The following USPL1 variants were observed in gnomAD, a reference collection of about 807,000 sequenced individuals.
The protein encoded by USPL1 is SUMO-specific isopeptidase USPL1.
A neutral mutation model predicts 51.5 loss-of-function variants in USPL1; 27 were observed. The ratio of observed to expected loss-of-function variants is 0.52; its 90% CI spans 0.39 to 0.72. The LOEUF is 0.72. Ranked by LOEUF, USPL1 falls within the 30% of genes least tolerant of loss-of-function variation. USPL1 has a pLI of 0.00. For missense variants in USPL1, 1,226 were observed against 1,268.0 expected, an observed-to-expected ratio of 0.97 and a Z score of 0.50; for synonymous variants, 451 against 459.6, an observed-to-expected ratio of 0.98 and a Z score of 0.24.
At chr13:30,655,330 T>C (rs1951147667) in intron 8 of USPL1, among the ~76,000 whole-genome samples, 1 of 152,232 alleles carries the variant, frequency 6.6e-6, no homozygotes, top group East Asian at 1.9e-4. Flanking sequence ...TAGACATTTG[T>C]TGTTCTCAGA....
intron 1 of USPL1, among the ~76,000 whole-genome samples, chr13:30,620,770 C>T (rs1950636539): frequency 6.6e-6 from 1 of 152,092 alleles, no homozygotes; most frequent in Non-Finnish European, 1.5e-5. Flanking sequence ...CTTTCAAATT[C>T]TGGTCAATAT....
chr13:30,655,833 G>A (rs1346357834), intron 8 of USPL1, among the ~76,000 whole-genome samples: 3 of 152,214 alleles, frequency 2.0e-5, no homozygotes, highest in African/African-American at 7.2e-5. Flanking sequence ...TTTGTAGTAA[G>A]TGCGATGGTG....
At chr13:30,646,794 A>C (rs1296409415) in intron 6 of USPL1, 138 bp from the exon 7 acceptor site, 3 of 887,568 alleles carry the variant, frequency 3.4e-6, no homozygotes, top group African/African-American at 3.4e-5. Context: ...GGTAGGGAGG[A>C]ACATTGCCAT....
intron 3 of USPL1, among the ~76,000 whole-genome samples, chr13:30,629,450 A>G (rs961694361): frequency 1.3e-5 from 2 of 152,100 alleles, no homozygotes; most frequent in African/African-American, 2.4e-5. Context: ...TCGTGCCACT[A>G]TACTCCAGCC....
At chr13:30,632,767 A>G (rs1950824799) in intron 4 of USPL1, among the ~76,000 whole-genome samples, 1 of 152,132 alleles carries the variant, frequency 6.6e-6, no homozygotes, top group Admixed American at 6.5e-5. Context: ...GTGTCAGGAT[A>G]ATAGTGGTTA....
intron 3 of USPL1, among the ~76,000 whole-genome samples, chr13:30,627,920 C>G (rs1208292299): frequency 6.6e-6 from 1 of 151,934 alleles, no homozygotes; most frequent in Non-Finnish European, 1.5e-5. Flanking sequence ...CTCTGTCGCC[C>G]AGGCTGGAGT....
chr13:30,658,781 A>G lies in USPL1; in HGVS notation c.2704A>G (p.Lys902Glu). The change falls in exon 9 of 9, where the codon AAA (lysine) becomes GAA (glutamate). Residue 902 changes from lysine (K) to glutamate (E), a missense_variant. Lys to Glu is a moderately conservative substitution (Grantham distance 56, BLOSUM62 1). Transcript: ENST00000255304. The part of the protein sequence containing the change: ...LRKKLKAEKK[K>E]LAALMSSPQS... ...TAAAAAGCTAAAGGCAGAAAAGAAG[A>G]AATTAGCTGCTCTTATGTCTTCCCC... 6.2e-7 allele frequency: 1 copy of G among 1,614,152 alleles called. No individual in the cohort carries two copies. Among genetic ancestry groups the G allele is most frequent in the South Asian group, 1.1e-5 (1 of 91,088 alleles).
chr13:30,656,591 C>T (rs979317946), intron 8 of USPL1, among the ~76,000 whole-genome samples: 2 of 152,178 alleles, frequency 1.3e-5, no homozygotes, highest in African/African-American at 2.4e-5. Flanking sequence ...TTATCTGTTA[C>T]GGACATTTGA....
At chr13:30,646,900 GTTAATGA>G (rs1255386980) in intron 6 of USPL1, 25 bp from the exon 7 acceptor site, 1 of 1,590,050 alleles carries the variant, frequency 6.3e-7, no homozygotes, top group East Asian at 2.3e-5. Flanking sequence ...TGCATTTAAC[GTTAATGA>G]ATTTGTTATG....
intron 3 of USPL1, among the ~76,000 whole-genome samples, chr13:30,628,308 A>G (rs60267144): frequency 0.028 from 4,222 of 152,224 alleles, 130 homozygotes; most frequent in Middle Eastern, 0.099. Context: ...CTCAAGATTC[A>G]TCCATGTTGT....
rs151112860 is a variant in USPL1 at position 30,641,792 on chromosome 13, C to T, written c.983-836C>T. Among the ~76,000 whole-genome samples, 647 of 152,244 alleles carry T rather than the reference C, an allele frequency of 4.2e-3. 10 individuals are homozygous for T. Among genetic ancestry groups the T allele is most frequent in the East Asian group, 0.029 (152 of 5,180 alleles). ...TGGTCATTTAACCATTGTGTGGCCA[C>T]GCCCTCTCCACAGGTGGAACAAGAT... On this transcript the variant is annotated intron_variant, in intron 5 of 8. Coordinates refer to ENST00000255304, the MANE Select transcript of USPL1 (RefSeq NM_005800.5).
chr13:30,628,634 C>T (rs1028955620), intron 3 of USPL1, among the ~76,000 whole-genome samples: 27 of 152,092 alleles, frequency 1.8e-4, no homozygotes, highest in African/African-American at 5.8e-4. Context: ...TGAGAACATG[C>T]GGTGTTTGGT....
chr13:30,658,010 A>C lies in USPL1; in HGVS notation c.1933A>C (p.Ile645Leu), dbSNP rs777712205. The C allele has an allele frequency of 2.5e-6, 4 of 1,613,460 alleles. No individual in the cohort carries two copies. Among genetic ancestry groups the C allele is most frequent in the Non-Finnish European group, 3.4e-6 (4 of 1,179,994 alleles). Residue 645 changes from isoleucine to leucine, a missense_variant, in exon 9 of 9, where the codon ATT becomes CTT. Ile to Leu is a conservative substitution (Grantham distance 5). Coordinates refer to ENST00000255304, the MANE Select transcript of USPL1 (RefSeq NM_005800.5). ...ATCAGCTCCATGTAATGAAAAGCTT[A>C]TTCAAGACCAATTTGTGGACATAAG... ...SVSAPCNEKL[I>L]QDQFVDISFP...
At chr13:30,629,199 A>G (rs1165445073) in intron 3 of USPL1, among the ~76,000 whole-genome samples, 1 of 152,174 alleles carries the variant, frequency 6.6e-6, no homozygotes, top group Admixed American at 6.5e-5. Flanking sequence ...CTTGAAACTT[A>G]GTCGCTCAAA....
At chr13:30,623,765 G>A (rs1209555197) in intron 3 of USPL1, among the ~76,000 whole-genome samples, 2 of 152,150 alleles carry the variant, frequency 1.3e-5, no homozygotes, top group African/African-American at 4.8e-5. Context: ...GAAAGGAGTG[G>A]AGGGGCTGGA....
In USPL1 at chr13:30,657,470, C is replaced by T; in HGVS notation, c.1397-4C>T. 1.9e-6 allele frequency: 3 copies of T among 1,570,532 alleles called. No individual in the cohort carries two copies. Among genetic ancestry groups the T allele is most frequent in the African/African-American group, 1.4e-5 (1 of 72,832 alleles). ...CTAACTTTCACTTCTTTCCCATCTT[C>T]CAGGAAGTTGGCTGGAATGTGATGA... is the stretch of plus-strand genomic sequence containing the variant. On this transcript the variant is annotated splice_region_variant and splice_polypyrimidine_tract_variant and intron_variant, in intron 8 of 8. Coordinates refer to ENST00000255304, the MANE Select transcript of USPL1 (RefSeq NM_005800.5).
chr13:30,636,460 G>A (rs1950877592), intron 4 of USPL1, among the ~76,000 whole-genome samples: 2 of 151,968 alleles, frequency 1.3e-5, no homozygotes. Context: ...GTGTGATCAG[G>A]CTGTATGAAT....
rs137984337 is a variant in USPL1, at chr13:30,658,647, C to T, written c.2570C>T (p.Thr857Ile). The T allele has an allele frequency of 7.6e-5, 123 of 1,614,066 alleles. No homozygotes were observed. The highest frequency in any genetic ancestry group is 1.0e-4 in the Non-Finnish European group (119 of 1,180,048). Residue 857 changes from threonine (T) to isoleucine (I), a missense_variant, in exon 9 of 9, where the codon ACC becomes ATC. Transcript: ENST00000255304. ...ASEVLEKSGS[T>I]SCGAQLNHSS... ...GAAGTTTTGGAAAAGTCTGGAAGCA[C>T]CTCATGTGGAGCTCAACTCAACCAC...
intron 3 of USPL1, among the ~76,000 whole-genome samples, chr13:30,625,496 A>T (rs1261856745): frequency 2.3e-5 from 3 of 129,202 alleles, no homozygotes; most frequent in African/African-American, 9.2e-5. Context: ...ACGAGGCTGG[A>T]GTGCAGTGGT....
Sources: gnomAD v4.1 joint callset for allele counts (sites outside exome capture counted in the v4.1 genomes callset) on GRCh38, gnomAD v4.1.1 for gene constraint, MANE v1.5 for transcripts, NCBI Gene and HGNC (gene_info 2026-07-23, HGNC 2026-07-21) for gene names.